Variants in PIP4K2A observed in about 807,000 individuals in gnomAD.
PIP4K2A encodes phosphatidylinositol 5-phosphate 4-kinase type-2 alpha.
PIP4K2A carries 14 observed loss-of-function variants against 42.9 expected under a neutral mutation model. The ratio of observed to expected loss-of-function variants is 0.33; its 90% CI spans 0.22 to 0.51. The LOEUF is 0.51. Ranked by LOEUF, PIP4K2A falls within the 20% of genes least tolerant of loss-of-function variation. The probability of loss-of-function intolerance (pLI) is 0.97; values close to 1 mark genes in which losing one functional copy is unlikely to be tolerated. For synonymous variants in PIP4K2A, 192 were observed against 192.2 expected, an observed-to-expected ratio of 1.00 and a Z score of 0.01; for missense variants, 434 against 519.8, an observed-to-expected ratio of 0.83 and a Z score of 1.61.
chr10:22,540,579 C>T (rs987361880), intron 8 of PIP4K2A, among the ~76,000 whole-genome samples: 2 of 152,040 alleles, frequency 1.3e-5, no homozygotes, highest in African/African-American at 4.8e-5. Flanking sequence ...TTTTTTGAGA[C>T]AGAGTTTTGT....
intron 1 of PIP4K2A, among the ~76,000 whole-genome samples, chr10:22,631,117 G>A (rs1344822430): frequency 6.6e-6 from 1 of 152,144 alleles, no homozygotes; most frequent in Non-Finnish European, 1.5e-5. Flanking sequence ...ACTTTGTATT[G>A]ATGGTCAATA....
At chr10:22,713,737 C>T (rs1833957388) in intron 1 of PIP4K2A, among the ~76,000 whole-genome samples, 1 of 152,028 alleles carries the variant, frequency 6.6e-6, no homozygotes, top group African/African-American at 2.4e-5. Context: ...TACACCTGCC[C>T]GCAAGCGGAA....
chr10:22,602,453 A>C (rs1219390249), intron 3 of PIP4K2A, among the ~76,000 whole-genome samples: 1 of 152,008 alleles, frequency 6.6e-6, no homozygotes, highest in Non-Finnish European at 1.5e-5. Flanking sequence ...AGAAAAGAAA[A>C]GAAAATACAG....
chr10:22,541,661 T>A lies in PIP4K2A; in HGVS notation c.1036+143A>T. 4.3e-6 allele frequency: 4 copies of A among 935,150 alleles called. No individual in the cohort carries two copies. In the South Asian group the frequency reaches 8.2e-5, roughly 19 times the overall value. The allele number at this position is 935,150 out of a possible 1,614,324, so 57.9% of individuals were successfully genotyped here. A position where few individuals can be genotyped will look rare whatever the true frequency, so the allele number is the denominator to read the frequency against. On this transcript the variant is annotated intron_variant, in intron 8 of 9. Transcript: ENST00000376573. ...CACGGTTAGCTTTAACATACTCTTGTCCCCAAATCCATTTCTTTGGAGTTT... is the reference window on the plus strand; with the variant it reads ...CACGGTTAGCTTTAACATACTCTTGACCCCAAATCCATTTCTTTGGAGTTT...
chr10:22,646,958 CAAAAAA>C (rs569143064), intron 1 of PIP4K2A, among the ~76,000 whole-genome samples: 1 of 143,964 alleles, frequency 6.9e-6, no homozygotes, highest in South Asian at 2.2e-4. Context: ...CAAAACAAAA[CAAAAAA>C]AAACAAACCA....
chr10:22,641,930 T>G (rs1396670260), intron 1 of PIP4K2A: 1 of 152,352 alleles, frequency 6.6e-6, no homozygotes, highest in East Asian at 1.9e-4. Context: ...TGGCCAAGGC[T>G]GGCCCCAAGC....
At chr10:22,657,216 GC>G (rs1460698233) in intron 1 of PIP4K2A, among the ~76,000 whole-genome samples, 1 of 152,218 alleles carries the variant, frequency 6.6e-6, no homozygotes, top group Non-Finnish European at 1.5e-5. Context: ...GCCCCAGACA[GC>G]TGGTGGAGAT....
At chr10:22,674,010 C>T (rs1308075636) in intron 1 of PIP4K2A, among the ~76,000 whole-genome samples, 1 of 152,182 alleles carries the variant, frequency 6.6e-6, no homozygotes, top group African/African-American at 2.4e-5. Context: ...ACTTACTTAA[C>T]TTACTTTCTT....
At chr10:22,674,342 T>C (rs1213438673) in intron 1 of PIP4K2A, among the ~76,000 whole-genome samples, 2 of 140,628 alleles carry the variant, frequency 1.4e-5, no homozygotes, top group African/African-American at 5.4e-5. Flanking sequence ...TTTCCGTATA[T>C]ACCAGACACT....
intron 7 of PIP4K2A, among the ~76,000 whole-genome samples, chr10:22,544,101 C>T (rs879585423): frequency 2.1e-4 from 32 of 152,196 alleles, no homozygotes; most frequent in Middle Eastern, 3.4e-3. Flanking sequence ...AGGAAGGTAA[C>T]GAGTTAAAAT....
intron 1 of PIP4K2A, among the ~76,000 whole-genome samples, chr10:22,709,645 C>T (rs1287778734): frequency 6.6e-6 from 1 of 152,158 alleles, no homozygotes; most frequent in African/African-American, 2.4e-5. Context: ...GGGCATCATT[C>T]TGAGTACTGA....
chr10:22,597,962 C>T (rs1016483087), intron 3 of PIP4K2A, among the ~76,000 whole-genome samples: 2 of 151,740 alleles, frequency 1.3e-5, no homozygotes, highest in Non-Finnish European at 2.9e-5. Flanking sequence ...CAGTGAAATC[C>T]ACCCAGGCTT....
At chr10:22,567,226 C>A (rs973306182) in intron 6 of PIP4K2A, among the ~76,000 whole-genome samples, 1 of 152,186 alleles carries the variant, frequency 6.6e-6, no homozygotes, top group Non-Finnish European at 1.5e-5. Flanking sequence ...CCTATTCAAA[C>A]CAATCCTTCA....
chr10:22,629,543 A>G (rs1838508722), intron 1 of PIP4K2A, among the ~76,000 whole-genome samples: 1 of 152,260 alleles, frequency 6.6e-6, no homozygotes, highest in Non-Finnish European at 1.5e-5. Context: ...AGTAATATAT[A>G]AACAACACTG....
intron 3 of PIP4K2A, among the ~76,000 whole-genome samples, chr10:22,598,175 T>C (rs1051685673): frequency 1.1e-4 from 16 of 152,114 alleles, no homozygotes; most frequent in Non-Finnish European, 8.8e-5. Flanking sequence ...CTGGGCAGCA[T>C]AGTAAGGCTC....
In PIP4K2A at chr10:22,640,014, CTTTTTTTTTTTT is replaced by C. The variant is rs71395806; in HGVS notation, c.145-30309_145-30298del. Among the ~76,000 whole-genome samples, 230 of 92,352 alleles carry C rather than the reference CTTTTTTTTTTTT, an allele frequency of 2.5e-3. 2 individuals carry two copies. The highest frequency in any genetic ancestry group is 0.016 in the Middle Eastern group (2 of 124). The allele number at this position is 92,352 out of a possible 152,430, so 60.6% of individuals were successfully genotyped here. A position where few individuals can be genotyped will look rare whatever the true frequency, so the allele number is the denominator to read the frequency against. ...TCCAATAGATGCATGGATGTGTTGT[CTTTTTTTTTTTT>C]TTTTTTTTTTTTTTTTAAGGAAAAA... On this transcript the variant is annotated intron_variant, in intron 1 of 9. Coordinates refer to ENST00000376573, the MANE Select transcript of PIP4K2A (RefSeq NM_005028.5).
chr10:22,676,972 C>T (rs1039477546), intron 1 of PIP4K2A, among the ~76,000 whole-genome samples: 15 of 152,282 alleles, frequency 9.9e-5, no homozygotes, highest in African/African-American at 3.6e-4. Flanking sequence ...CAATCTGTGC[C>T]ACCAATACTA....
chr10:22,678,767 A>G (rs1204715373), intron 1 of PIP4K2A, among the ~76,000 whole-genome samples: 7 of 152,196 alleles, frequency 4.6e-5, no homozygotes, highest in Admixed American at 3.9e-4. Flanking sequence ...AAAATAATAA[A>G]TGTACACAGT....
intron 1 of PIP4K2A, among the ~76,000 whole-genome samples, chr10:22,669,336 C>A (rs983059064): frequency 2.6e-5 from 4 of 152,142 alleles, no homozygotes; most frequent in Admixed American, 2.6e-4. Flanking sequence ...AGGTGTGGGG[C>A]AGGCAACACC....
Sources: gnomAD v4.1 joint callset for allele counts (sites outside exome capture counted in the v4.1 genomes callset) on GRCh38, gnomAD v4.1.1 for gene constraint, MANE v1.5 for transcripts, NCBI Gene and HGNC (gene_info 2026-07-23, HGNC 2026-07-21) for gene names.